COL4A4: variants seen among roughly 807,000 people sequenced by gnomAD.
The protein encoded by COL4A4 is collagen type IV alpha 4 chain, also known as collagen alpha-4(IV) chain.
A neutral mutation model predicts 192.9 loss-of-function variants in COL4A4; 105 were observed. That is an observed-to-expected ratio of 0.54 (90% CI 0.46 to 0.64). The LOEUF (loss-of-function observed/expected upper bound fraction) is 0.64, where lower values mean the gene tolerates loss of function less well. Ranked by LOEUF, COL4A4 falls within the 30% of genes least tolerant of loss-of-function variation. COL4A4 has a pLI of 0.00. For missense variants in COL4A4, 1,967 were observed against 2,169.3 expected (o/e 0.91, Z 1.85); for synonymous variants, 762 against 769.9 (o/e 0.99, Z 0.17).
intron 43 of COL4A4, among the ~76,000 whole-genome samples, chr2:227,024,330 G>A (rs1033400037): frequency 2.0e-5 from 3 of 152,192 alleles, no homozygotes; most frequent in South Asian, 2.1e-4. Flanking sequence ...GGGCAACAGG[G>A]CGAAGCCCCA....
At chr2:227,059,645 T>G (rs368467243) in intron 27 of COL4A4, 22 bp from the exon 28 acceptor site, 17 of 1,539,506 alleles carry the variant, frequency 1.1e-5, no homozygotes, top group East Asian at 2.2e-5. Flanking sequence ...CAAAAAAAAA[T>G]TTTTAATGAT....
Position 227,103,163 on chromosome 2 carries a change from G to A in COL4A4, c.851C>T (p.Pro284Leu), listed in dbSNP as rs1393803026. ...IKGIPGMVGL[P>L]GPPGRKGESG... is the part of the protein sequence containing the mutation. The stretch of plus-strand genomic sequence containing the variant: ...AACTACCTTGCGTCCTGGTGGTCCT[G>A]GCAGTCCAACCATTCCAGGAATTCC... Residue 284 changes from proline to leucine, a missense_variant, in exon 14 of 48, where the codon CCA becomes CTA. Transcript: ENST00000396625. 1.9e-6 allele frequency: 3 copies of A among 1,612,252 alleles called. No individual in the cohort carries two copies. In the Admixed American group the frequency reaches 5.0e-5, roughly 27 times the overall value.
chr2:227,147,290 C>G, intron 2 of COL4A4, 123 bp downstream of exon 2: 1 of 915,058 alleles, frequency 1.1e-6, no homozygotes, highest in Non-Finnish European at 1.8e-6. Context: ...CAGACATACC[C>G]TTAGCTTTCT....
intron 31 of COL4A4, among the ~76,000 whole-genome samples, chr2:227,053,594 C>T (rs1169763859): frequency 7.5e-6 from 1 of 133,932 alleles, no homozygotes; most frequent in African/African-American, 2.9e-5. Context: ...GTCACCCAGG[C>T]TGGAGTGCAG....
intron 30 of COL4A4, among the ~76,000 whole-genome samples, chr2:227,055,027 T>C (rs1576166650): frequency 6.6e-6 from 1 of 152,206 alleles, no homozygotes; most frequent in African/African-American, 2.4e-5. Flanking sequence ...TAGCCTCAAG[T>C]GATCCACCCG....
intron 46 of COL4A4, 76 bp downstream of exon 46, chr2:227,010,237 G>T: frequency 7.1e-7 from 1 of 1,411,238 alleles, no homozygotes; most frequent in Non-Finnish European, 1.0e-6. Flanking sequence ...GATCATTTAA[G>T]GTGCTGATGA....
intron 32 of COL4A4, among the ~76,000 whole-genome samples, chr2:227,051,804 T>C (rs1021841309): frequency 1.3e-5 from 2 of 152,070 alleles, no homozygotes; most frequent in African/African-American, 2.4e-5. Flanking sequence ...GTTTAGAATA[T>C]CCAAATCTAG....
chr2:227,085,752 G>A (rs4436946), intron 22 of COL4A4, among the ~76,000 whole-genome samples: 63,499 of 151,922 alleles, frequency 0.42, 14,021 homozygotes, highest in South Asian at 0.53. Flanking sequence ...TAAGCCATTC[G>A]TGAGGGATCC....
chr2:227,043,092 G>T lies in COL4A4; in HGVS notation c.3382C>A (p.Pro1128Thr). ...TTCAAGGTACCTGGGCACCCTGGTG[G>T]TCCAGAGGAGCCAGGTGGCCCTGGC... ...GRPGPPGSSG[P>T]PGCPGDHGMP... The change falls in exon 36 of 48, where the codon CCA (proline) becomes ACA (threonine). Residue 1128 changes from proline (P) to threonine (T), a missense_variant. Coordinates refer to ENST00000396625, the MANE Select transcript of COL4A4 (RefSeq NM_000092.5). 1 of 1,613,028 alleles carries T rather than the reference G, an allele frequency of 6.2e-7. No individual in the cohort carries two copies. The highest frequency in any genetic ancestry group is 8.5e-7 in the Non-Finnish European group (1 of 1,179,526).
At chr2:227,069,902 A>C (rs1392299649) in intron 25 of COL4A4, among the ~76,000 whole-genome samples, 47 of 151,844 alleles carry the variant, frequency 3.1e-4, no homozygotes, top group African/African-American at 7.7e-4. Context: ...TTCTGCACAG[A>C]AAAAGAAACT....
intron 25 of COL4A4, among the ~76,000 whole-genome samples, chr2:227,070,234 GATGTGGAGAAATAGGAAC>G (rs1425612617): frequency 5.1e-4 from 78 of 151,702 alleles, no homozygotes; most frequent in Non-Finnish European, 9.7e-4. Flanking sequence ...TGCTGGAGAG[GATGTGGAGAAATAGGAAC>G]ACTTTTACAC....
rs767904749 is a variant in COL4A4, at chr2:227,144,511, C to G, written c.114+5G>C. ...AACGCAACCAGAGCTAGTGAATGTA[C>G]TTACCCCATATACATATTGTACAGA... On this transcript the variant is annotated splice_donor_5th_base_variant and intron_variant, in intron 3 of 47. Coordinates refer to ENST00000396625, the MANE Select transcript of COL4A4 (RefSeq NM_000092.5). 1 of 1,608,556 alleles carries G rather than the reference C, an allele frequency of 6.2e-7. No homozygotes were observed. The highest frequency in any genetic ancestry group is 1.1e-5 in the South Asian group (1 of 90,876).
chr2:227,094,761 G>C (rs2060121554), intron 19 of COL4A4, among the ~76,000 whole-genome samples: 2 of 152,132 alleles, frequency 1.3e-5, no homozygotes, highest in Non-Finnish European at 2.9e-5. Flanking sequence ...TAATTAGCTG[G>C]AATGTGGTGA....
chr2:227,055,551 C>T (rs7566317), intron 30 of COL4A4, among the ~76,000 whole-genome samples: 28,117 of 151,822 alleles, frequency 0.19, 3,738 homozygotes, highest in African/African-American at 0.38. Context: ...CATGCTCTGC[C>T]GCCCCATCCT....
intron 22 of COL4A4, among the ~76,000 whole-genome samples, chr2:227,085,023 CGA>C (rs200083702): frequency 0.053 from 8,094 of 151,858 alleles, 342 homozygotes; most frequent in African/African-American, 0.11. Flanking sequence ...CTCAGCTACT[CGA>C]GAGGCTGAGG....
intron 25 of COL4A4, among the ~76,000 whole-genome samples, chr2:227,070,023 G>GA (rs2058612046): frequency 6.7e-6 from 1 of 149,462 alleles, no homozygotes; most frequent in South Asian, 2.1e-4. Flanking sequence ...AAATTTACAA[G>GA]AAAAAAACAA....
chr2:227,060,183 T>G lies in COL4A4; in HGVS notation c.2117A>C (p.Lys706Thr), dbSNP rs763538915. The G allele has an allele frequency of 5.0e-6, 8 of 1,609,898 alleles. No homozygotes were observed. Among genetic ancestry groups the G allele is most frequent in the Non-Finnish European group, 6.8e-6 (8 of 1,178,842 alleles). ...APGLSGSDGH[K>T]GRPGTPGTAE... ...TGTTCCTGGTGTGCCAGGTCTGCCT[T>G]TATGCCCATCTGAACCACTCAGCCC... Residue 706 changes from lysine to threonine, a missense_variant, in exon 27 of 48, where the codon AAA becomes ACA. Coordinates refer to ENST00000396625, the MANE Select transcript of COL4A4 (RefSeq NM_000092.5).
chr2:227,150,906 T>C (rs1168992009), intron 1 of COL4A4, among the ~76,000 whole-genome samples: 1 of 55,432 alleles, frequency 1.8e-5, no homozygotes, highest in African/African-American at 7.6e-5. Context: ...CAGCCCTCCT[T>C]TTTTTTTTTT....
the COL4A4 span, chr2:226,996,661 A>C: frequency 2.0e-5 from 3 of 152,246 alleles, no homozygotes; most frequent in African/African-American, 7.2e-5. Flanking sequence ...CAGATGCATA[A>C]GGCAAACATC....
Sources: allele counts gnomAD v4.1 joint callset (sites outside exome capture counted in the v4.1 genomes callset), GRCh38; gene constraint gnomAD v4.1.1; transcripts MANE v1.5; gene names NCBI Gene and HGNC (gene_info 2026-07-23, HGNC 2026-07-21).